Variants in MACROD2 observed in about 807,000 individuals in gnomAD.
The protein encoded by MACROD2 is mono-ADP ribosylhydrolase 2.
MACROD2 carries 36 observed loss-of-function variants against 70.4 expected under a neutral mutation model. The ratio of observed to expected loss-of-function variants is 0.51; its 90% CI spans 0.39 to 0.68. MACROD2 has a LOEUF of 0.68. MACROD2 is among the 30% of genes least tolerant of loss of function. The probability of loss-of-function intolerance (pLI) is 0.00; values close to 1 mark genes in which losing one functional copy is unlikely to be tolerated. For missense variants in MACROD2, 496 were observed against 538.4 expected (o/e 0.92, Z 0.78); for synonymous variants, 172 against 178.8 (o/e 0.96, Z 0.30).
At chr20:14,078,627 C>T (rs569462705) in intron 2 of MACROD2, among the ~76,000 whole-genome samples, 112 of 152,084 alleles carry the variant, frequency 7.4e-4, no homozygotes, top group African/African-American at 2.5e-3. Flanking sequence ...AGGCCGGTCT[C>T]GAACTCCTGA....
intron 3 of MACROD2, among the ~76,000 whole-genome samples, chr20:14,472,342 C>T (rs1463571759): frequency 6.6e-6 from 1 of 152,028 alleles, no homozygotes; most frequent in Non-Finnish European, 1.5e-5. Flanking sequence ...TATTCATTTA[C>T]TAAGCATTTA....
At chr20:15,389,134 G>C (rs1452384269) in intron 6 of MACROD2, among the ~76,000 whole-genome samples, 3 of 152,164 alleles carry the variant, frequency 2.0e-5, no homozygotes, top group Non-Finnish European at 4.4e-5. Flanking sequence ...AGTGGAGGGA[G>C]TAGAGACATG....
intron 5 of MACROD2, among the ~76,000 whole-genome samples, chr20:14,982,495 T>A (rs2074809735): frequency 6.6e-6 from 1 of 152,036 alleles, no homozygotes; most frequent in South Asian, 2.1e-4. Context: ...AAAAAATGGT[T>A]TAATGGGCCA....
chr20:15,419,237 C>A (rs2046195640), intron 6 of MACROD2, among the ~76,000 whole-genome samples: 1 of 152,180 alleles, frequency 6.6e-6, no homozygotes, highest in Admixed American at 6.5e-5. Flanking sequence ...CCCACCAGGG[C>A]AAGGGCAAGG....
intron 5 of MACROD2, among the ~76,000 whole-genome samples, chr20:14,814,278 A>G (rs2072748556): frequency 6.6e-6 from 1 of 152,072 alleles, no homozygotes. Context: ...ACCCATTTCT[A>G]AATGGAAATT....
intron 3 of MACROD2, among the ~76,000 whole-genome samples, chr20:14,485,701 CAAAAAAAAAA>C (rs1276490399): frequency 2.6e-3 from 160 of 61,862 alleles, no homozygotes; most frequent in African/African-American, 0.012. Flanking sequence ...GACTCCGTCT[CAAAAAAAAAA>C]AAAAAAAAAA....
chr20:15,316,707 T>C (rs2077814973), intron 6 of MACROD2, among the ~76,000 whole-genome samples: 1 of 152,024 alleles, frequency 6.6e-6, no homozygotes, highest in Non-Finnish European at 1.5e-5. Context: ...CTGACAGAGA[T>C]TTTGAACACT....
chr20:15,762,368 A>G (rs1461103810), intron 8 of MACROD2, among the ~76,000 whole-genome samples: 1 of 152,158 alleles, frequency 6.6e-6, no homozygotes, highest in Non-Finnish European at 1.5e-5. Context: ...CCTCAATTCC[A>G]TGTTTTTAGA....
intron 8 of MACROD2, among the ~76,000 whole-genome samples, chr20:15,796,854 A>T (rs1474204482): frequency 1.3e-5 from 2 of 152,196 alleles, no homozygotes; most frequent in Admixed American, 6.5e-5. Context: ...TTCAAGGCCA[A>T]GTTTGCTTTG....
At chr20:14,222,297 A>G (rs1418225350) in intron 3 of MACROD2, among the ~76,000 whole-genome samples, 2 of 151,952 alleles carry the variant, frequency 1.3e-5, no homozygotes, top group East Asian at 1.9e-4. Context: ...ATGGAATACT[A>G]TTCAGCTATA....
intron 4 of MACROD2, among the ~76,000 whole-genome samples, chr20:14,556,683 T>C (rs1374237380): frequency 6.6e-6 from 1 of 152,020 alleles, no homozygotes; most frequent in Non-Finnish European, 1.5e-5. Flanking sequence ...ATTGTTATTT[T>C]CTAGAGCAGC....
chr20:15,421,612 A>AATGTTTTT (rs2046229610), intron 6 of MACROD2, among the ~76,000 whole-genome samples: 1 of 151,968 alleles, frequency 6.6e-6, no homozygotes, highest in Non-Finnish European at 1.5e-5. Context: ...CATAAAAACC[A>AATGTTTTT]ATGTAAGCTC....
At chr20:14,679,138 G>C (rs1416277797) in intron 4 of MACROD2, among the ~76,000 whole-genome samples, 1 of 152,210 alleles carries the variant, frequency 6.6e-6, no homozygotes, top group African/African-American at 2.4e-5. Context: ...GCATTCTGCT[G>C]TGTTTATGTA....
chr20:15,321,568 G>T lies in MACROD2; in HGVS notation c.540+91507G>T, dbSNP rs1376435568. On this transcript the variant is annotated intron_variant, in intron 6 of 17. Coordinates refer to ENST00000684519, the MANE Select transcript of MACROD2 (RefSeq NM_001351661.2). ...TCCTCTAAGAATTATTTTTATGAAGGCCATCTGGTAAAACAAATTAATCTC... is the reference window on the plus strand; with the variant it reads ...TCCTCTAAGAATTATTTTTATGAAGTCCATCTGGTAAAACAAATTAATCTC... Among the ~76,000 whole-genome samples, 3 of 144,204 alleles carry T rather than the reference G, an allele frequency of 2.1e-5. 1 individual carries two copies. In the East Asian group the frequency reaches 6.0e-4, roughly 29 times the overall value. 94.6% of individuals were successfully genotyped at this position (144,204 alleles called of 152,430 possible).
chr20:15,053,041 T>G (rs2123058111), intron 5 of MACROD2, among the ~76,000 whole-genome samples: 1 of 152,264 alleles, frequency 6.6e-6, no homozygotes, highest in Non-Finnish European at 1.5e-5. Flanking sequence ...CTCTCTTCAG[T>G]TCTGTGAAGT....
intron 8 of MACROD2, among the ~76,000 whole-genome samples, chr20:15,752,098 G>T (rs187702335): frequency 1.3e-5 from 2 of 151,976 alleles, no homozygotes; most frequent in South Asian, 4.1e-4. Context: ...TACTTAATGC[G>T]TACAGAGATG....
intron 2 of MACROD2, among the ~76,000 whole-genome samples, chr20:14,076,422 G>A (rs959213355): frequency 3.3e-5 from 5 of 151,982 alleles, no homozygotes; most frequent in African/African-American, 7.3e-5. Flanking sequence ...AGGCCAAGGC[G>A]GGAGGATCAC....
At chr20:15,065,877 A>G (rs548198150) in intron 5 of MACROD2, among the ~76,000 whole-genome samples, 3 of 152,154 alleles carry the variant, frequency 2.0e-5, no homozygotes, top group Non-Finnish European at 4.4e-5. Flanking sequence ...CTGTTGTTGC[A>G]TAAGAAACAA....
chr20:14,649,351 GAT>G (rs1201283425), intron 4 of MACROD2, among the ~76,000 whole-genome samples: 1 of 152,108 alleles, frequency 6.6e-6, no homozygotes, highest in African/African-American at 2.4e-5. Context: ...GACCAATACT[GAT>G]ATCTAAAAAG....
Sources: gnomAD v4.1 joint callset for allele counts (sites outside exome capture counted in the v4.1 genomes callset) on GRCh38, gnomAD v4.1.1 for gene constraint, MANE v1.5 for transcripts, NCBI Gene and HGNC (gene_info 2026-07-23, HGNC 2026-07-21) for gene names.